The following MDFIC2 variants were observed in gnomAD, a reference collection of about 807,000 sequenced individuals.
The protein encoded by MDFIC2 is myoD family inhibitor domain-containing protein 2.
chr3:70,266,563 T>C (rs751252806), intron 2 of MDFIC2, among the ~76,000 whole-genome samples: 6 of 152,106 alleles, frequency 3.9e-5, no homozygotes, highest in Non-Finnish European at 5.9e-5. Context: ...TAGCTGGGAC[T>C]ACAGGCACAC....
intron 2 of MDFIC2, among the ~76,000 whole-genome samples, chr3:70,226,255 C>T (rs1358683378): frequency 6.6e-6 from 1 of 152,160 alleles, no homozygotes; most frequent in Admixed American, 6.5e-5. Flanking sequence ...TGAGTAAGAC[C>T]TGGCCTCTGC....
chr3:70,280,025 G>A (rs1018092473), intron 2 of MDFIC2, among the ~76,000 whole-genome samples: 1 of 152,182 alleles, frequency 6.6e-6, no homozygotes, highest in East Asian at 1.9e-4. Flanking sequence ...GAGGCCAGAA[G>A]TGTGAAGTCA....
chr3:70,237,245 T>C (rs530579423), intron 2 of MDFIC2, among the ~76,000 whole-genome samples: 2 of 152,350 alleles, frequency 1.3e-5, no homozygotes, highest in East Asian at 3.9e-4. Flanking sequence ...TAGATCTTCC[T>C]CATCCTAAAG....
chr3:70,227,146 GC>G (rs1341187043), intron 2 of MDFIC2, among the ~76,000 whole-genome samples: 1 of 152,144 alleles, frequency 6.6e-6, no homozygotes, highest in Non-Finnish European at 1.5e-5. Flanking sequence ...ACAGGTTAAA[GC>G]AGGACTACAA....
At chr3:70,289,363 T>C (rs1392662312) in intron 2 of MDFIC2, among the ~76,000 whole-genome samples, 33 of 151,076 alleles carry the variant, frequency 2.2e-4, no homozygotes, top group African/African-American at 7.0e-4. Flanking sequence ...AAAATTCTTT[T>C]CTTTAAGAAT....
At chr3:70,287,809 T>G (rs1319686907) in intron 2 of MDFIC2, among the ~76,000 whole-genome samples, 31 of 150,026 alleles carry the variant, frequency 2.1e-4, no homozygotes, top group Non-Finnish European at 3.9e-4. Flanking sequence ...GTCGAGGAAT[T>G]TATCCATTTC....
intron 2 of MDFIC2, among the ~76,000 whole-genome samples, chr3:70,252,797 A>C (rs559671107): frequency 1.3e-5 from 2 of 152,248 alleles, no homozygotes; most frequent in South Asian, 4.1e-4. Flanking sequence ...ATCAAAAAGA[A>C]GGCCAGGCGC....
chr3:70,285,420 G>C (rs1002428753), intron 2 of MDFIC2, among the ~76,000 whole-genome samples: 11 of 151,996 alleles, frequency 7.2e-5, no homozygotes, highest in Non-Finnish European at 1.5e-4. Context: ...GTATTCTATG[G>C]TGTATATATG....
chr3:70,195,355 C>G lies in MDFIC2; in HGVS notation c.*1571G>C, dbSNP rs916118571. Among the ~76,000 whole-genome samples, 2 of 152,252 alleles carry G rather than the reference C, an allele frequency of 1.3e-5. No individual in the cohort carries two copies. Among genetic ancestry groups the G allele is most frequent in the African/African-American group, 4.8e-5 (2 of 41,548 alleles). On this transcript the variant is annotated 3_prime_UTR_variant, in exon 4 of 4. Transcript: ENST00000567252. ...CGTGGTTTGTGAATAACATGGTCAT[C>G]AAACAGGAATGAAATCAGCATTAAC...
At chr3:70,211,835 T>A (rs1244829553) in intron 2 of MDFIC2, among the ~76,000 whole-genome samples, 1 of 149,314 alleles carries the variant, frequency 6.7e-6, no homozygotes, top group Non-Finnish European at 1.5e-5. Flanking sequence ...TTTTTCCTTT[T>A]TCCTTTTCCT....
chr3:70,267,541 T>C (rs1701928433), intron 2 of MDFIC2, among the ~76,000 whole-genome samples: 1 of 150,414 alleles, frequency 6.6e-6, no homozygotes, highest in South Asian at 2.1e-4. Flanking sequence ...TAGCTGGGAC[T>C]ACAGGCGCCC....
At chr3:70,211,042 T>C (rs1270283453) in intron 2 of MDFIC2, among the ~76,000 whole-genome samples, 3 of 152,136 alleles carry the variant, frequency 2.0e-5, no homozygotes, top group Non-Finnish European at 2.9e-5. Context: ...GATCACTAAA[T>C]GTGACTTTGT....
chr3:70,229,348 T>C (rs1701537918), intron 2 of MDFIC2, among the ~76,000 whole-genome samples: 1 of 152,204 alleles, frequency 6.6e-6, no homozygotes, highest in Admixed American at 6.5e-5. Flanking sequence ...TATTTGCATA[T>C]GCTGGTATAT....
intron 2 of MDFIC2, among the ~76,000 whole-genome samples, chr3:70,216,455 A>G (rs560268063): frequency 9.9e-5 from 15 of 152,064 alleles, no homozygotes; most frequent in Non-Finnish European, 1.8e-4. Flanking sequence ...CATTTTTCAC[A>G]TGAGGACACA....
At chr3:70,287,976 T>C (rs1438117104) in intron 2 of MDFIC2, among the ~76,000 whole-genome samples, 1 of 152,172 alleles carries the variant, frequency 6.6e-6, no homozygotes, top group Non-Finnish European at 1.5e-5. Flanking sequence ...TTGCTAGCAG[T>C]CTATCTCTTT....
At chr3:70,234,713 T>C (rs1222660260) in intron 2 of MDFIC2, among the ~76,000 whole-genome samples, 1 of 152,190 alleles carries the variant, frequency 6.6e-6, no homozygotes, top group Non-Finnish European at 1.5e-5. Flanking sequence ...ACATCTACTT[T>C]GCAGCAATTT....
intron 2 of MDFIC2, chr3:70,249,051 G>A (rs1445696580): frequency 6.6e-6 from 1 of 152,154 alleles, no homozygotes; most frequent in Non-Finnish European, 1.5e-5. Flanking sequence ...AAATGAGGAA[G>A]TGGAGGTCCC....
chr3:70,279,645 C>A (rs182222006), intron 2 of MDFIC2, among the ~76,000 whole-genome samples: 77 of 152,264 alleles, frequency 5.1e-4, no homozygotes, highest in Admixed American at 4.4e-3. Flanking sequence ...CATGCTGAGT[C>A]CTATTTGCAT....
chr3:70,196,115 C>G lies in MDFIC2; in HGVS notation c.*811G>C, dbSNP rs1701176823. On this transcript the variant is annotated 3_prime_UTR_variant, in exon 4 of 4. Transcript: ENST00000567252. ...ATATCCTGTTGCTTATTGTACCTGA[C>G]AAATAAAAATGAAGAAAGTGAAGAA... Among the ~76,000 whole-genome samples the G allele has an allele frequency of 6.6e-6, 1 of 152,018 alleles. No homozygotes were observed. The highest frequency in any genetic ancestry group is 1.5e-5 in the Non-Finnish European group (1 of 67,996).
Sources: allele counts gnomAD v4.1 joint callset (sites outside exome capture counted in the v4.1 genomes callset), GRCh38; gene constraint gnomAD v4.1.1; transcripts MANE v1.5; gene names NCBI Gene and HGNC (gene_info 2026-07-23, HGNC 2026-07-21).